The following ESRRB variants were observed in gnomAD, a reference collection of about 807,000 sequenced individuals.
ESRRB encodes the protein steroid hormone receptor ERR2.
A neutral mutation model predicts 46.0 loss-of-function variants in ESRRB; 16 were observed. The observed-to-expected ratio is 0.35, with a 90% CI of 0.24 to 0.53. The LOEUF is 0.53. Ranked by LOEUF, ESRRB falls within the 20% of genes least tolerant of loss-of-function variation. The pLI is 0.93. For missense variants in ESRRB, 488 were observed against 607.4 expected (o/e 0.80, Z 2.07); for synonymous variants, 246 against 259.6 (o/e 0.95, Z 0.50).
chr14:76,463,196 G>A (rs764164395), intron 3 of ESRRB: 20 of 211,246 alleles, frequency 9.5e-5, no homozygotes, highest in Admixed American at 2.1e-4. Context: ...CTCTCCCTGC[G>A]TCCTCTGTCT....
intron 1 of ESRRB, among the ~76,000 whole-genome samples, chr14:76,389,368 T>C (rs1385546329): frequency 6.6e-6 from 1 of 152,260 alleles, no homozygotes; most frequent in Non-Finnish European, 1.5e-5. Flanking sequence ...GATCATGAGG[T>C]CCTAGAGTCC....
intron 1 of ESRRB, among the ~76,000 whole-genome samples, chr14:76,352,837 C>G (rs1183458265): frequency 6.6e-6 from 1 of 152,226 alleles, no homozygotes; most frequent in Non-Finnish European, 1.5e-5. Flanking sequence ...CGGGCTCTCT[C>G]CCCTCTTTCC....
At chr14:76,327,344 G>C (rs1883943152) in intron 1 of ESRRB, among the ~76,000 whole-genome samples, 1 of 152,220 alleles carries the variant, frequency 6.6e-6, no homozygotes, top group South Asian at 2.1e-4. Flanking sequence ...CTATGCTCAT[G>C]TGAGTCCAAG....
At chr14:76,442,417 A>G (rs1887957142) in intron 2 of ESRRB, among the ~76,000 whole-genome samples, 1 of 152,174 alleles carries the variant, frequency 6.6e-6, no homozygotes, top group African/African-American at 2.4e-5. Context: ...CAGAGGGTGC[A>G]GTGAGCCGAG....
intron 5 of ESRRB, among the ~76,000 whole-genome samples, chr14:76,485,657 G>GAA (rs201376460): frequency 1.8e-4 from 27 of 146,762 alleles, no homozygotes; most frequent in African/African-American, 6.5e-4. Context: ...GAGAGAGAGA[G>GAA]AGAAAGAAAG....
chr14:76,410,871 C>G (rs951673089), intron 1 of ESRRB, among the ~76,000 whole-genome samples: 3 of 151,998 alleles, frequency 2.0e-5, no homozygotes, highest in African/African-American at 4.8e-5. Flanking sequence ...GCAACCTCCC[C>G]CTTCTGGGTT....
intron 1 of ESRRB, among the ~76,000 whole-genome samples, chr14:76,340,351 C>T (rs926843358): frequency 2.0e-5 from 3 of 152,218 alleles, no homozygotes; most frequent in Non-Finnish European, 2.9e-5. Context: ...ACATTTCTTT[C>T]TTTTCTTCAC....
At chr14:76,460,057 C>T (rs1483630862) in intron 2 of ESRRB, among the ~76,000 whole-genome samples, 1 of 152,206 alleles carries the variant, frequency 6.6e-6, no homozygotes, top group African/African-American at 2.4e-5. Context: ...TACAGTTAGG[C>T]ACATTGAGTA....
chr14:76,397,260 C>T (rs1885728615), intron 1 of ESRRB, among the ~76,000 whole-genome samples: 1 of 152,214 alleles, frequency 6.6e-6, no homozygotes, highest in Non-Finnish European at 1.5e-5. Flanking sequence ...CCCCATCTTA[C>T]AGATGCCTCA....
chr14:76,415,320 G>A (rs1376494638), intron 1 of ESRRB, among the ~76,000 whole-genome samples: 1 of 152,206 alleles, frequency 6.6e-6, no homozygotes, highest in Non-Finnish European at 1.5e-5. Flanking sequence ...TCTATGTGCT[G>A]AGTACAGTGG....
upstream of ESRRB, among the ~76,000 whole-genome samples, chr14:76,368,126 CTTTTTTTTTT>C (rs751709764): frequency 3.4e-4 from 42 of 124,226 alleles, no homozygotes; most frequent in South Asian, 7.1e-3. Context: ...CTAATTTTTC[CTTTTTTTTTT>C]TTTTTTTTTT....
intron 3 of ESRRB, 29 bp from the exon 4 acceptor site, chr14:76,481,987 T>G: frequency 3.9e-5 from 62 of 1,588,368 alleles, no homozygotes; most frequent in Non-Finnish European, 4.8e-5. Context: ...GAACAACTGC[T>G]GAGATCTTTT....
chr14:76,426,752 C>T (rs1441633530), intron 1 of ESRRB, among the ~76,000 whole-genome samples: 1 of 152,018 alleles, frequency 6.6e-6, no homozygotes, highest in African/African-American at 2.4e-5. Context: ...TAGTTGAGGC[C>T]AGGCACACTG....
chr14:76,354,786 T>G (rs1203428413), intron 1 of ESRRB, among the ~76,000 whole-genome samples: 1 of 148,572 alleles, frequency 6.7e-6, no homozygotes. Context: ...CTCAGCTCAC[T>G]GCAACCTCCA....
At chr14:76,429,696 G>A (rs888589181) in intron 1 of ESRRB, among the ~76,000 whole-genome samples, 1 of 152,090 alleles carries the variant, frequency 6.6e-6, no homozygotes, top group South Asian at 2.1e-4. Flanking sequence ...GTTGTGGTGA[G>A]CCGAGATAGT....
chr14:76,364,716 C>T (rs1317515213), intron 1 of ESRRB, among the ~76,000 whole-genome samples: 1 of 149,666 alleles, frequency 6.7e-6, no homozygotes, highest in Non-Finnish European at 1.5e-5. Flanking sequence ...GCCCTAAGGA[C>T]ATGTGGACAG....
At position 76,315,179 on chromosome 14, in the gene ESRRB, G is replaced by A. The variant is rs545691015; in HGVS notation, c.2+4263G>A. Reference sequence around the variant, plus strand: ...CAAGTCAAGGTGGCATCTATAACACGTCTAGATCAGCTCTTCTGGGGCACC... The same window carrying A: ...CAAGTCAAGGTGGCATCTATAACACATCTAGATCAGCTCTTCTGGGGCACC... On this transcript the variant is annotated intron_variant, in intron 1 of 6. Transcript: ENST00000512784. Among the ~76,000 whole-genome samples the A allele has an allele frequency of 4.6e-5, 7 of 152,138 alleles. No homozygotes were observed. The South Asian group carries it at 6.2e-4, about 14-fold the overall frequency.
At chr14:76,467,480 G>A (rs1455092311) in intron 3 of ESRRB, among the ~76,000 whole-genome samples, 6 of 137,826 alleles carry the variant, frequency 4.4e-5, no homozygotes, top group African/African-American at 1.4e-4. Context: ...CAGCCTGGGC[G>A]ACAGTGCAAG....
intron 1 of ESRRB, among the ~76,000 whole-genome samples, chr14:76,412,445 A>C (rs868645504): frequency 1.3e-5 from 2 of 151,094 alleles, no homozygotes; most frequent in Non-Finnish European, 3.0e-5. Flanking sequence ...TTACCCCTCT[A>C]CCTCTCCCTC....
Sources: allele counts gnomAD v4.1 joint callset (sites outside exome capture counted in the v4.1 genomes callset), GRCh38; gene constraint gnomAD v4.1.1; transcripts MANE v1.5; gene names NCBI Gene and HGNC (gene_info 2026-07-23, HGNC 2026-07-21).